PAOX: variants seen among roughly 807,000 people sequenced by gnomAD.
PAOX encodes peroxisomal N(1)-acetyl-spermine/spermidine oxidase.
A neutral mutation model predicts 39.0 loss-of-function variants in PAOX; 38 were observed. That is an observed-to-expected ratio of 0.97 (90% confidence interval 0.75 to 1.28). PAOX has a LOEUF of 1.28. Among genes scored for constraint, PAOX ranks in the 50% most tolerant of loss-of-function variants. The pLI, the probability that PAOX is intolerant of heterozygous loss-of-function variation, is 0.00. For missense variants in PAOX, 667 were observed against 685.7 expected (o/e 0.97, Z 0.30); for synonymous variants, 311 against 314.4 (o/e 0.99, Z 0.11).
Position 133,381,601 on chromosome 10 carries a change from A to G in PAOX, c.810A>G (p.Val270=), listed in dbSNP as rs754549370. 2 of 1,613,624 alleles carry G rather than the reference A, an allele frequency of 1.2e-6. No individual in the cohort carries two copies. ...CCGGGGAGACCTTTCCAGTGTCGGT[A>G]GAGTGTGAGGATGGAGACCGGTTCC... ...AFPGETFPVS[V]ECEDGDRFPA... The change falls in exon 3 of 7, where the codon GTA becomes GTG. Residue 270 remains valine (V), a synonymous_variant. Transcript: ENST00000278060.
At chr10:133,383,244 C>T (rs1344076754) in intron 3 of PAOX, among the ~76,000 whole-genome samples, 2 of 152,140 alleles carry the variant, frequency 1.3e-5, no homozygotes, top group African/African-American at 4.8e-5. Context: ...ATTTCATAAG[C>T]ATAGATGGAA....
chr10:133,381,236 G>C (rs757841931), intron 2 of PAOX, among the ~76,000 whole-genome samples: 20 of 152,230 alleles, frequency 1.3e-4, no homozygotes, highest in Non-Finnish European at 2.9e-4. Flanking sequence ...ATTGCCTTGA[G>C]TGCTCTGTGC....
chr10:133,389,543 C>G lies in PAOX; in HGVS notation c.1235-47C>G, dbSNP rs1849613534. The G allele has an allele frequency of 3.1e-6, 5 of 1,611,840 alleles. No homozygotes were observed. In the African/African-American group the frequency reaches 5.3e-5, roughly 17 times the overall value. ...AAAAATGACAAAAACAGTTGCAGAC[C>G]TGTGGGTGAGAGTTCTCGGTTAACA... On this transcript the variant is annotated intron_variant, in intron 5 of 6. Transcript: ENST00000278060.
At chr10:133,383,555 A>G (rs1377559055) in intron 3 of PAOX, among the ~76,000 whole-genome samples, 3 of 151,194 alleles carry the variant, frequency 2.0e-5, no homozygotes, top group Non-Finnish European at 4.4e-5. Context: ...GTGAGCCAAG[A>G]TGGCATCGTT....
At position 133,389,682 on chromosome 10, in the gene PAOX, G is replaced by C; in HGVS notation, c.1327G>C (p.Gly443Arg). ...GGGGTCCTACAGCTACGTGGCCGTGGGCAGTACTGGGGGCGACCTGGACCT... is the reference window on the plus strand; with the variant it reads ...GGGGTCCTACAGCTACGTGGCCGTGCGCAGTACTGGGGGCGACCTGGACCT... ...TRGSYSYVAVGSTGGDLDLLA... is the reference protein window; with the variant it reads ...TRGSYSYVAVRSTGGDLDLLA... Residue 443 changes from glycine to arginine, a missense_variant, in exon 6 of 7, where the codon GGC (glycine) becomes CGC (arginine). Coordinates refer to ENST00000278060, the MANE Select transcript of PAOX (RefSeq NM_152911.4). 6.2e-7 allele frequency: 1 copy of C among 1,610,922 alleles called. No individual in the cohort carries two copies. Among genetic ancestry groups the C allele is most frequent in the Non-Finnish European group, 8.5e-7 (1 of 1,178,478 alleles).
chr10:133,380,612 A>G, intron 2 of PAOX, 127 bp downstream of exon 2: 2 of 1,291,080 alleles, frequency 1.5e-6, no homozygotes, highest in Non-Finnish European at 2.1e-6. Context: ...CCATTCCGAC[A>G]GACTGGTTGC....
In PAOX at chr10:133,380,052, C is replaced by G; in HGVS notation, c.235C>G (p.Pro79Ala). 1 of 1,526,020 alleles carries G rather than the reference C, an allele frequency of 6.6e-7. No homozygotes were observed. The allele number at this position is 1,526,020 out of a possible 1,614,324, so 94.5% of individuals were successfully genotyped here. The change falls in exon 2 of 7, where the codon CCC becomes GCC. Residue 79 changes from proline (P) to alanine (A), a missense_variant. Physicochemically the swap from Pro to Ala is conservative, Grantham distance 27. Coordinates refer to ENST00000278060, the MANE Select transcript of PAOX (RefSeq NM_152911.4). ...HWIHGPSRGNPVFQLAAEYGL... is the reference protein window; with the variant it reads ...HWIHGPSRGNAVFQLAAEYGL... ...GATCCATGGGCCCTCCCGGGGTAACCCCGTCTTCCAGCTGGCTGCTGAGTA... is the reference window on the plus strand; with the variant it reads ...GATCCATGGGCCCTCCCGGGGTAACGCCGTCTTCCAGCTGGCTGCTGAGTA...
chr10:133,386,837 G>A (rs1849543266), intron 4 of PAOX, among the ~76,000 whole-genome samples: 1 of 152,226 alleles, frequency 6.6e-6, no homozygotes, highest in South Asian at 2.1e-4. Flanking sequence ...TACCTCAAAA[G>A]TCAAGATGTA....
In PAOX at chr10:133,381,485, A is replaced by G. The variant is rs748024328; in HGVS notation, c.694A>G (p.Met232Val). ...GGGCTATCAAGGACTCACAAACTGC[A>G]TGATGGCCGCCCTGCCGGAGGACAC... ...SKGYQGLTNC[M>V]MAALPEDTVV... is the part of the protein sequence containing the mutation. Residue 232 changes from methionine (M) to valine (V), a missense_variant, in exon 3 of 7, where the codon ATG becomes GTG. Physicochemically the swap from Met to Val is conservative, Grantham distance 21. Transcript: ENST00000278060. The G allele has an allele frequency of 6.8e-6, 11 of 1,613,754 alleles. No homozygotes were observed. In the South Asian group the frequency reaches 1.2e-4, roughly 18 times the overall value.
At position 133,384,163 on chromosome 10, in the gene PAOX, G is replaced by T; in HGVS notation, c.1072G>T (p.Asp358Tyr). The change falls in exon 4 of 7, where the codon GAC (aspartate) becomes TAC (tyrosine). Residue 358 changes from aspartate (D) to tyrosine (Y), a missense_variant. Transcript: ENST00000278060. This position sits in a 1 kb window ranked among gnomAD's most constrained non-coding sequence, Gnocchi z 4.3. ...GGAGGATGCTGCCCCTGAGCTACAG[G>T]ACGCCTGGTTCCGGAAGCTCATTGG... ...PLEDAAPELQ[D>Y]AWFRKLIGFV... 6.2e-7 allele frequency: 1 copy of T among 1,614,168 alleles called. No homozygotes were observed. Among genetic ancestry groups the T allele is most frequent in the Non-Finnish European group, 8.5e-7 (1 of 1,180,040 alleles).
At position 133,388,966 on chromosome 10, in the gene PAOX, G is replaced by A. The variant is rs376710321; in HGVS notation, c.1132G>A (p.Val378Ile). Residue 378 changes from valine to isoleucine, a missense_variant, in exon 5 of 7, where the codon GTT (valine) becomes ATT (isoleucine). By Grantham distance (29) the Val-to-Ile change is conservative. Coordinates refer to ENST00000278060, the MANE Select transcript of PAOX (RefSeq NM_152911.4). Reference protein sequence around the residue: ...VVLPAFASVHVLCGFIAGLES... With the variant: ...VVLPAFASVHILCGFIAGLES... ...TCTTTCTCCATGCAGGTCTGTCCAC[G>A]TTCTCTGTGGGTTCATTGCCGGACT... The A allele has an allele frequency of 8.1e-6, 13 of 1,609,898 alleles. No homozygotes were observed. The highest frequency in any genetic ancestry group is 1.7e-5 in the Admixed American group (1 of 59,706).
intron 3 of PAOX, 80 bp downstream of exon 3, chr10:133,381,739 C>T (rs1465500838): frequency 2.8e-6 from 4 of 1,446,428 alleles, no homozygotes; most frequent in African/African-American, 1.4e-5. Context: ...GGCTCTGGGG[C>T]GTTTGCTTGT....
At chr10:133,380,566 T>C in intron 2 of PAOX, 81 bp downstream of exon 2, 1 of 1,477,750 alleles carries the variant, frequency 6.8e-7, no homozygotes, top group South Asian at 1.3e-5. Flanking sequence ...CCGCTCTTGC[T>C]TGGGTATGGG....
At chr10:133,390,012 C>CGA (rs1849632647) in intron 6 of PAOX, among the ~76,000 whole-genome samples, 1 of 152,208 alleles carries the variant, frequency 6.6e-6, no homozygotes, top group Non-Finnish European at 1.5e-5. Context: ...TTGCCCTTCT[C>CGA]AGACGGTGCT....
intron 4 of PAOX, among the ~76,000 whole-genome samples, chr10:133,388,006 T>C (rs1460137707): frequency 6.6e-6 from 1 of 152,150 alleles, no homozygotes; most frequent in African/African-American, 2.4e-5. Context: ...CCTGAGCCAC[T>C]GTGCCTGGCC....
At chr10:133,389,781 C>A (rs748585733) in intron 6 of PAOX, 34 bp downstream of exon 6, 45 of 1,432,060 alleles carry the variant, frequency 3.1e-5, no homozygotes, top group Non-Finnish European at 3.8e-5. Flanking sequence ...GGGCGTGGGT[C>A]CCGCTGCAGA....
rs775293127 is a variant in PAOX, at chr10:133,384,044, G to T, written c.953G>T (p.Gly318Val). 2 of 1,614,186 alleles carry T rather than the reference G, an allele frequency of 1.2e-6. No homozygotes were observed. Among genetic ancestry groups the T allele is most frequent in the South Asian group, 1.1e-5 (1 of 91,086 alleles). Reference protein sequence around the residue: ...KAEAIRKIGFGTNNKIFLEFE... With the variant: ...KAEAIRKIGFVTNNKIFLEFE... ...GAAGCAATCAGGAAGATAGGCTTTGGGACCAACAACAAAATCTTCCTGGAG... is the reference window on the plus strand; with the variant it reads ...GAAGCAATCAGGAAGATAGGCTTTGTGACCAACAACAAAATCTTCCTGGAG... Residue 318 changes from glycine to valine, a missense_variant, in exon 4 of 7, where the codon GGG (glycine) becomes GTG (valine). By Grantham distance (109) the Gly-to-Val change is moderately radical. Coordinates refer to ENST00000278060, the MANE Select transcript of PAOX (RefSeq NM_152911.4). The surrounding 1 kb of genome is among the most constrained non-coding windows in gnomAD (Gnocchi z 4.3).
chr10:133,384,080 C>G lies in PAOX; in HGVS notation c.989C>G (p.Pro330Arg), dbSNP rs148527211. 7.4e-6 allele frequency: 12 copies of G among 1,614,046 alleles called. No individual in the cohort carries two copies. In the African/African-American group the frequency reaches 1.6e-4, roughly 22 times the overall value. ...NNKIFLEFEE[P>R]FWEPDCQLIQ... is the part of the protein sequence containing the mutation. ...AAAATCTTCCTGGAGTTTGAGGAGC[C>G]CTTCTGGGAGCCAGACTGCCAGCTG... Residue 330 changes from proline (P) to arginine (R), a missense_variant, in exon 4 of 7, where the codon CCC becomes CGC. Pro to Arg is a moderately radical substitution (Grantham distance 103). Coordinates refer to ENST00000278060, the MANE Select transcript of PAOX (RefSeq NM_152911.4). This position sits in a 1 kb window ranked among gnomAD's most constrained non-coding sequence, Gnocchi z 4.3.
At chr10:133,390,769 C>T (rs768805990) in intron 6 of PAOX, 9 of 589,842 alleles carry the variant, frequency 1.5e-5, no homozygotes, top group East Asian at 2.8e-5. Context: ...ATTGACTTCT[C>T]ATTACATCAG....
Sources: gnomAD v4.1 joint callset for allele counts (sites outside exome capture counted in the v4.1 genomes callset) on GRCh38, gnomAD v4.1.1 for gene constraint, Gnocchi (gnomAD v3.1) non-coding constraint, MANE v1.5 for transcripts, NCBI Gene and HGNC (gene_info 2026-07-23, HGNC 2026-07-21) for gene names.